The following SH2D3C variants were observed in gnomAD, a reference collection of about 807,000 sequenced individuals.
The protein encoded by SH2D3C is SH2 domain-containing protein 3C.
A neutral mutation model predicts 75.2 loss-of-function variants in SH2D3C; 25 were observed. That is an observed-to-expected ratio of 0.33 (90% confidence interval 0.24 to 0.46). The LOEUF (loss-of-function observed/expected upper bound fraction) is 0.46. Ranked by LOEUF, SH2D3C falls within the 20% of genes least tolerant of loss-of-function variation. SH2D3C has a pLI of 1.00. For missense variants in SH2D3C, 933 were observed against 1,165.3 expected (o/e 0.80, Z 2.90); for synonymous variants, 450 against 473.7 (o/e 0.95, Z 0.65).
At chr9:127,772,436 G>A (rs571281860) in intron 2 of SH2D3C, among the ~76,000 whole-genome samples, 4 of 152,132 alleles carry the variant, frequency 2.6e-5, no homozygotes, top group East Asian at 3.9e-4. Context: ...TAGAGATAGG[G>A]CTTCACCATG....
At position 127,745,071 on chromosome 9, in the gene SH2D3C, G is replaced by A. The variant is rs1299732710; in HGVS notation, c.1293C>T (p.Ala431=). Residue 431 remains alanine (A), a synonymous_variant, in exon 7 of 12, where the codon GCC becomes GCT. Coordinates refer to ENST00000314830, the MANE Select transcript of SH2D3C (RefSeq NM_170600.3). The part of the protein sequence containing the change: ...TVTRVHAAPA[A]PSATALPASP... Reference sequence around the variant, plus strand: ...AGGCAGGCAATGCTGTGGCAGAAGGGGCTGCAGGGGCGGCATGGACACGGG... The same window carrying A: ...AGGCAGGCAATGCTGTGGCAGAAGGAGCTGCAGGGGCGGCATGGACACGGG... The A allele has an allele frequency of 1.3e-6, 2 of 1,507,808 alleles. No homozygotes were observed. The highest frequency in any genetic ancestry group is 1.8e-6 in the Non-Finnish European group (2 of 1,129,762). 93.4% of individuals were successfully genotyped at this position (1,507,808 alleles called of 1,614,324 possible). A position where few individuals can be genotyped will look rare whatever the true frequency, so the allele number is the denominator to read the frequency against.
At chr9:127,771,597 A>G (rs1845741134) in intron 2 of SH2D3C, among the ~76,000 whole-genome samples, 1 of 152,058 alleles carries the variant, frequency 6.6e-6, no homozygotes, top group Admixed American at 6.5e-5. Flanking sequence ...CCACGCCCCT[A>G]GACACGCCCT....
Position 127,751,082 on chromosome 9 carries a change from G to C in SH2D3C, c.684+90C>G, listed in dbSNP as rs1342420839. On this transcript the variant is annotated intron_variant, in intron 4 of 11. Transcript: ENST00000314830. The surrounding 1 kb of genome is among the most constrained non-coding windows in gnomAD (Gnocchi z 4.1). ...TGAATCCACCAAGCAACAGGTCAGA[G>C]CCTCCCAGGTGGCTGCAGCCAGGGC... 5 of 1,305,490 alleles carry C rather than the reference G, an allele frequency of 3.8e-6. No homozygotes were observed. The East Asian group carries it at 1.1e-4, about 30-fold the overall frequency. The allele number at this position is 1,305,490 out of a possible 1,614,324, so 80.9% of individuals were successfully genotyped here. A position where few individuals can be genotyped will look rare whatever the true frequency, so the allele number is the denominator to read the frequency against.
intron 1 of SH2D3C, among the ~76,000 whole-genome samples, chr9:127,775,094 T>TA (rs1178060787): frequency 2.0e-5 from 3 of 151,492 alleles, no homozygotes; most frequent in Admixed American, 6.6e-5. Flanking sequence ...GTCTCAAAAT[T>TA]AAAAAGAAAA....
intron 2 of SH2D3C, among the ~76,000 whole-genome samples, chr9:127,765,359 C>T (rs1194959254): frequency 6.6e-6 from 1 of 152,182 alleles, no homozygotes; most frequent in Non-Finnish European, 1.5e-5. Flanking sequence ...AGAATGTCAG[C>T]CCCACAAGGA....
chr9:127,754,972 G>A lies in SH2D3C; in HGVS notation c.556-3672C>T. ...GCCGGGCCCAGCCCAGCCCGACCCT[G>A]CCGGGCGCCGCTGAGCTGCAGCTCC... On this transcript the variant is annotated intron_variant, in intron 3 of 11. Transcript: ENST00000314830. The surrounding 1 kb of genome is among the most constrained non-coding windows in gnomAD (Gnocchi z 4.4). 1 of 528,360 alleles carries A rather than the reference G, an allele frequency of 1.9e-6. No homozygotes were observed. The highest frequency in any genetic ancestry group is 2.9e-6 in the Non-Finnish European group (1 of 346,924). The allele number at this position is 528,360 out of a possible 1,614,324, so 32.7% of individuals were successfully genotyped here. A position where few individuals can be genotyped will look rare whatever the true frequency, so the allele number is the denominator to read the frequency against.
chr9:127,772,916 C>T (rs1474602225), intron 2 of SH2D3C, among the ~76,000 whole-genome samples: 1 of 151,950 alleles, frequency 6.6e-6, no homozygotes, highest in Non-Finnish European at 1.5e-5. Context: ...TCACTGCAAC[C>T]TCCATCTCCC....
Position 127,774,212 on chromosome 9 carries a change from T to A in SH2D3C, c.293A>T (p.Gln98Leu). Residue 98 changes from glutamine (Q) to leucine (L), a missense_variant, in exon 2 of 12, where the codon CAG (glutamine) becomes CTG (leucine). Coordinates refer to ENST00000314830, the MANE Select transcript of SH2D3C (RefSeq NM_170600.3). This position sits in a 1 kb window ranked among gnomAD's most constrained non-coding sequence, Gnocchi z 4.3. ...AQNSQAARQA[Q>L]EAGPKPNLVP... is the part of the protein sequence containing the mutation. ...CAAGTTGGGCTTGGGACCCGCCTCCTGGGCCTGCCGGGCAGCCTGTGAGTT... is the reference window on the plus strand; with the variant it reads ...CAAGTTGGGCTTGGGACCCGCCTCCAGGGCCTGCCGGGCAGCCTGTGAGTT... The A allele has an allele frequency of 6.2e-7, 1 of 1,613,942 alleles. No homozygotes were observed. Among genetic ancestry groups the A allele is most frequent in the Non-Finnish European group, 8.5e-7 (1 of 1,179,934 alleles).
intron 2 of SH2D3C, among the ~76,000 whole-genome samples, chr9:127,768,492 C>T (rs1845676011): frequency 1.3e-5 from 2 of 152,092 alleles, no homozygotes; most frequent in African/African-American, 2.4e-5. Context: ...CGACACAGAA[C>T]AGCAATCAGA....
intron 2 of SH2D3C, among the ~76,000 whole-genome samples, chr9:127,764,564 T>C (rs1036070532): frequency 9.9e-5 from 15 of 152,130 alleles, no homozygotes; most frequent in African/African-American, 3.4e-4. Flanking sequence ...ACTGACCCCA[T>C]GGCCCACCAC....
chr9:127,740,983 T>A (rs1416952380), intron 9 of SH2D3C, among the ~76,000 whole-genome samples: 9 of 152,034 alleles, frequency 5.9e-5, no homozygotes, highest in Admixed American at 5.9e-4. Flanking sequence ...GCCTGGCTGT[T>A]GTTATTTATT....
intron 7 of SH2D3C, among the ~76,000 whole-genome samples, 198 bp downstream of exon 7, chr9:127,744,366 G>C (rs767993542): frequency 6.6e-6 from 1 of 152,060 alleles, no homozygotes; most frequent in South Asian, 2.1e-4. Flanking sequence ...TACCACCCCC[G>C]GCCTTTTTAA....
chr9:127,763,028 C>T (rs1845566957), intron 2 of SH2D3C, among the ~76,000 whole-genome samples: 1 of 152,210 alleles, frequency 6.6e-6, no homozygotes, highest in Non-Finnish European at 1.5e-5. Context: ...TCCCTTGCAC[C>T]TCATGTCCCT....
chr9:127,766,909 G>A (rs1287952040), intron 2 of SH2D3C: 2 of 1,530,028 alleles, frequency 1.3e-6, no homozygotes, highest in Non-Finnish European at 8.8e-7. Flanking sequence ...ACCCACCGCA[G>A]AGAAGCAACG....
At chr9:127,755,225 G>C in intron 3 of SH2D3C, 1 of 1,192,610 alleles carries the variant, frequency 8.4e-7, no homozygotes, top group African/African-American at 1.6e-5. Flanking sequence ...CAGGGGCGCA[G>C]GGACCAACCG....
chr9:127,741,735 C>CA (rs1307622814), intron 9 of SH2D3C, 53 bp downstream of exon 9: 3 of 1,582,364 alleles, frequency 1.9e-6, no homozygotes, highest in African/African-American at 1.3e-5. Flanking sequence ...AAAGGCACCC[C>CA]AGGGCTCTTC....
chr9:127,738,533 C>A lies in SH2D3C; in HGVS notation c.*213G>T. On this transcript the variant is annotated 3_prime_UTR_variant, in exon 12 of 12. Coordinates refer to ENST00000314830, the MANE Select transcript of SH2D3C (RefSeq NM_170600.3). The surrounding 1 kb of genome is among the most constrained non-coding windows in gnomAD (Gnocchi z 5.0). ...AAAAGCTGGTGGGGGAACCGGCGTT[C>A]CTGTTCTTCCTCAATGGAGACCTGG... 2.4e-6 allele frequency: 1 copy of A among 419,324 alleles called. No individual in the cohort carries two copies. The highest frequency in any genetic ancestry group is 4.1e-6 in the Non-Finnish European group (1 of 241,432). The allele number at this position is 419,324 out of a possible 1,614,324, so 26.0% of individuals were successfully genotyped here.
chr9:127,739,837 G>T lies in SH2D3C; in HGVS notation c.2252C>A (p.Thr751Asn). 6.3e-7 allele frequency: 1 copy of T among 1,576,720 alleles called. No homozygotes were observed. The change falls in exon 11 of 12, where the codon ACC becomes AAC. Residue 751 changes from threonine (T) to asparagine (N), a missense_variant. Thr to Asn is a moderately conservative substitution (Grantham distance 65). Coordinates refer to ENST00000314830, the MANE Select transcript of SH2D3C (RefSeq NM_170600.3). This position sits in a 1 kb window ranked among gnomAD's most constrained non-coding sequence, Gnocchi z 4.3. ...TTFPHVLPLI[T>N]LLECDSAPPE... ...TGGGGCCGAGTCACACTCCAGCAGG[G>T]TGATGAGGGGCAGCACATGAGGAAA...
chr9:127,767,272 C>G, intron 2 of SH2D3C: 1 of 1,451,076 alleles, frequency 6.9e-7, no homozygotes. Context: ...GTCTCAAAAC[C>G]TGCCAAAGAA....
Sources: gnomAD v4.1 joint callset for allele counts (sites outside exome capture counted in the v4.1 genomes callset) on GRCh38, gnomAD v4.1.1 for gene constraint, Gnocchi (gnomAD v3.1) non-coding constraint, MANE v1.5 for transcripts, NCBI Gene and HGNC (gene_info 2026-07-23, HGNC 2026-07-21) for gene names.